The following ZNF804B variants were observed in gnomAD, a reference collection of about 807,000 sequenced individuals.
ZNF804B encodes the protein zinc finger 804B.
A neutral mutation model predicts 101.4 loss-of-function variants in ZNF804B; 80 were observed. The observed-to-expected ratio is 0.79, with a 90% CI of 0.66 to 0.95. ZNF804B has a LOEUF of 0.95. Among genes scored for constraint, ZNF804B ranks in the 40% least tolerant of loss-of-function variants. ZNF804B has a pLI of 0.00. For missense variants in ZNF804B, 1,673 were observed against 1,561.9 expected (o/e 1.07, Z -1.20); for synonymous variants, 622 against 558.8 (o/e 1.11, Z -1.59).
At chr7:89,128,539 A>T (rs991072291) in intron 1 of ZNF804B, among the ~76,000 whole-genome samples, 2 of 151,894 alleles carry the variant, frequency 1.3e-5, no homozygotes, top group African/African-American at 4.8e-5. Flanking sequence ...AAAATGTGAA[A>T]TCTCATTAGC....
chr7:88,981,308 C>G (rs2116133308), intron 1 of ZNF804B, among the ~76,000 whole-genome samples: 1 of 152,180 alleles, frequency 6.6e-6, no homozygotes, highest in South Asian at 2.1e-4. Context: ...GAGCTAGGCT[C>G]CAAAATGGGG....
At chr7:89,314,108 A>T (rs1044998955) in intron 2 of ZNF804B, among the ~76,000 whole-genome samples, 1 of 152,306 alleles carries the variant, frequency 6.6e-6, no homozygotes, top group African/African-American at 2.4e-5. Context: ...ATTCAAAAAA[A>T]ATTTATCAAA....
At chr7:89,189,411 C>G (rs144208096) in intron 1 of ZNF804B, among the ~76,000 whole-genome samples, 19 of 152,196 alleles carry the variant, frequency 1.2e-4, no homozygotes, top group African/African-American at 4.3e-4. Flanking sequence ...TTACTTGAAC[C>G]AAGATGAGGC....
chr7:88,883,585 G>A (rs900990558), intron 1 of ZNF804B, among the ~76,000 whole-genome samples: 4 of 152,096 alleles, frequency 2.6e-5, no homozygotes, highest in East Asian at 1.9e-4. Flanking sequence ...ATGTATAGGA[G>A]CAAACATCTT....
intron 1 of ZNF804B, among the ~76,000 whole-genome samples, chr7:89,174,094 A>T (rs1045317462): frequency 2.0e-5 from 3 of 151,914 alleles, no homozygotes; most frequent in Non-Finnish European, 4.4e-5. Flanking sequence ...AGACATTCCG[A>T]TTATACTGTT....
chr7:88,979,003 A>G (rs1345452767), intron 1 of ZNF804B, among the ~76,000 whole-genome samples: 5 of 151,932 alleles, frequency 3.3e-5, no homozygotes, highest in Non-Finnish European at 7.4e-5. Context: ...ATTATTTTAT[A>G]CTATTGACAA....
chr7:89,265,299 TGC>T (rs72433209), intron 2 of ZNF804B, among the ~76,000 whole-genome samples: 75 of 140,434 alleles, frequency 5.3e-4, no homozygotes, highest in African/African-American at 1.6e-3. Flanking sequence ...TGTGTGCGCG[TGC>T]GCGCGCGCAC....
intron 1 of ZNF804B, among the ~76,000 whole-genome samples, chr7:89,149,660 A>C (rs2116403490): frequency 6.6e-6 from 1 of 152,096 alleles, no homozygotes; most frequent in African/African-American, 2.4e-5. Flanking sequence ...ATAGTGAAAA[A>C]GAATTCTTAA....
intron 1 of ZNF804B, among the ~76,000 whole-genome samples, chr7:89,081,144 C>G (rs1789691996): frequency 6.6e-6 from 1 of 151,374 alleles, no homozygotes; most frequent in Admixed American, 6.6e-5. Flanking sequence ...AAGATTGCTC[C>G]TTAGATTGAG....
At chr7:89,115,737 T>C (rs1015842531) in intron 1 of ZNF804B, among the ~76,000 whole-genome samples, 4 of 152,116 alleles carry the variant, frequency 2.6e-5, no homozygotes, top group African/African-American at 7.2e-5. Context: ...CTCTAAAAGG[T>C]TGTGCAATGA....
chr7:89,148,278 C>G (rs1160568719), intron 1 of ZNF804B, among the ~76,000 whole-genome samples: 1 of 152,162 alleles, frequency 6.6e-6, no homozygotes, highest in South Asian at 2.1e-4. Flanking sequence ...ACACATAGTA[C>G]TCTTCCAAAA....
At chr7:89,267,912 G>A (rs1789825192) in intron 2 of ZNF804B, among the ~76,000 whole-genome samples, 1 of 152,042 alleles carries the variant, frequency 6.6e-6, no homozygotes, top group African/African-American at 2.4e-5. Context: ...GTGATAGGTA[G>A]CTGAAAATAC....
chr7:89,234,836 C>A (rs1378302690), intron 2 of ZNF804B, among the ~76,000 whole-genome samples: 1 of 152,148 alleles, frequency 6.6e-6, no homozygotes, highest in African/African-American at 2.4e-5. Flanking sequence ...GTTGTCTTTC[C>A]TGATTCTAAA....
intron 2 of ZNF804B, among the ~76,000 whole-genome samples, chr7:89,312,476 G>C (rs1324917602): frequency 6.6e-6 from 1 of 152,142 alleles, no homozygotes; most frequent in Non-Finnish European, 1.5e-5. Context: ...GTGCACACCA[G>C]AGTAATTTCT....
At chr7:88,986,313 C>T (rs981171867) in intron 1 of ZNF804B, among the ~76,000 whole-genome samples, 6 of 152,054 alleles carry the variant, frequency 3.9e-5, no homozygotes, top group African/African-American at 1.4e-4. Context: ...TTACTTTTAA[C>T]AATTATGAAA....
At chr7:89,244,595 A>G (rs1428374023) in intron 2 of ZNF804B, among the ~76,000 whole-genome samples, 4 of 152,168 alleles carry the variant, frequency 2.6e-5, no homozygotes, top group African/African-American at 9.6e-5. Context: ...TATCACTTAA[A>G]GAATTTTGTA....
chr7:89,091,635 A>T (rs556158220), intron 1 of ZNF804B, among the ~76,000 whole-genome samples: 1 of 152,314 alleles, frequency 6.6e-6, no homozygotes, highest in South Asian at 2.1e-4. Flanking sequence ...AAGGATAGAC[A>T]ATACATCCCA....
At chr7:88,823,595 C>T (rs868314640) in intron 1 of ZNF804B, among the ~76,000 whole-genome samples, 4 of 151,972 alleles carry the variant, frequency 2.6e-5, no homozygotes, top group South Asian at 4.1e-4. Context: ...GCGGCAGGTA[C>T]GAGATTTCAG....
At chr7:89,153,692 C>T (rs961500382) in intron 1 of ZNF804B, among the ~76,000 whole-genome samples, 2 of 152,080 alleles carry the variant, frequency 1.3e-5, no homozygotes, top group Non-Finnish European at 2.9e-5. Context: ...AGTAGAATCA[C>T]TTTCTCACAT....
Sources: allele counts gnomAD v4.1 joint callset (sites outside exome capture counted in the v4.1 genomes callset), GRCh38; gene constraint gnomAD v4.1.1; transcripts MANE v1.5; gene names NCBI Gene and HGNC (gene_info 2026-07-23, HGNC 2026-07-21).